The following LGR5 variants were observed in gnomAD, a reference collection of about 807,000 sequenced individuals.
The protein encoded by LGR5 is leucine rich repeat containing G protein-coupled receptor 5.
In LGR5, 54 loss-of-function variants were observed where a neutral mutation model predicts 76.7. The ratio of observed to expected loss-of-function variants is 0.70; its 90% confidence interval spans 0.57 to 0.88. LGR5 has a LOEUF of 0.88. Among genes scored for constraint, LGR5 ranks in the 40% least tolerant of loss-of-function variants. The pLI, the probability that LGR5 is intolerant of heterozygous loss-of-function variation, is 0.00. For missense variants in LGR5, 1,078 were observed against 1,073.3 expected, an observed-to-expected ratio of 1.00 and a Z score of -0.06; for synonymous variants, 406 against 421.9, an observed-to-expected ratio of 0.96 and a Z score of 0.46.
At chr12:71,555,405 C>T (rs900587312) in intron 5 of LGR5, among the ~76,000 whole-genome samples, 3 of 152,136 alleles carry the variant, frequency 2.0e-5, no homozygotes, top group African/African-American at 7.2e-5. Context: ...TTCAGTTGTG[C>T]ACAGCTGTTC....
intron 15 of LGR5, among the ~76,000 whole-genome samples, chr12:71,579,427 T>A (rs1878998125): frequency 6.6e-6 from 1 of 152,198 alleles, no homozygotes; most frequent in Admixed American, 6.5e-5. Flanking sequence ...TTTAAAATTA[T>A]GAAAATAATA....
In LGR5 at chr12:71,584,686, G is replaced by T; in HGVS notation, c.2676G>T (p.Val892=). Residue 892 remains valine, a synonymous_variant, in exon 18 of 18, where the codon GTG becomes GTT. Coordinates refer to ENST00000266674, the MANE Select transcript of LGR5 (RefSeq NM_003667.4). ...PSSVPSPAYP[V]TESCHLSSVA... ...CCGTGCCATCACCAGCTTATCCAGT[G>T]ACTGAGAGCTGCCATCTTTCCTCTG... 1 of 1,613,652 alleles carries T rather than the reference G, an allele frequency of 6.2e-7. No homozygotes were observed. The highest frequency in any genetic ancestry group is 8.5e-7 in the Non-Finnish European group (1 of 1,179,578).
chr12:71,566,629 T>C lies in LGR5; in HGVS notation c.930-3T>C. ...AGTAATACTTATATACTCCTCTTTC[T>C]AGGACTCTGAATGGTGCCTCACAAA... On this transcript the variant is annotated splice_region_variant and splice_polypyrimidine_tract_variant and intron_variant, in intron 9 of 17. Transcript: ENST00000266674. The C allele has an allele frequency of 6.2e-7, 1 of 1,610,940 alleles. No homozygotes were observed. The highest frequency in any genetic ancestry group is 8.5e-7 in the Non-Finnish European group (1 of 1,177,254).
intron 1 of LGR5, among the ~76,000 whole-genome samples, chr12:71,481,757 T>G (rs35838344): frequency 0.09 from 13,636 of 152,250 alleles, 654 homozygotes; most frequent in Non-Finnish European, 0.11. Flanking sequence ...TGGGAGTTTC[T>G]GCCTGAGAGA....
chr12:71,565,001 A>C (rs1191131225), intron 8 of LGR5, among the ~76,000 whole-genome samples: 1 of 118,610 alleles, frequency 8.4e-6, no homozygotes, highest in East Asian at 2.5e-4. Context: ...ATATACGTAC[A>C]TGTATGTGAA....
At chr12:71,551,112 T>C (rs1363074390) in intron 4 of LGR5, among the ~76,000 whole-genome samples, 6 of 152,362 alleles carry the variant, frequency 3.9e-5, no homozygotes, top group African/African-American at 1.4e-4. Flanking sequence ...GGAAATTTAA[T>C]CGTAAATGGG....
At chr12:71,574,301 C>CAAA (rs1726461) in intron 13 of LGR5, among the ~76,000 whole-genome samples, 30,179 of 50,020 alleles carry the variant, frequency 0.6, 11,101 homozygotes, top group Middle Eastern at 0.73. Context: ...GACTCTGTCT[C>CAAA]AAAAAAAAAA....
intron 1 of LGR5, among the ~76,000 whole-genome samples, chr12:71,463,347 T>C (rs1872746142): frequency 6.6e-6 from 1 of 152,208 alleles, no homozygotes; most frequent in African/African-American, 2.4e-5. Flanking sequence ...TCAGACTGTA[T>C]ATTCTCTTAG....
chr12:71,484,805 G>A (rs113625282), intron 1 of LGR5, among the ~76,000 whole-genome samples: 4,624 of 152,232 alleles, frequency 0.03, 106 homozygotes, highest in Non-Finnish European at 0.049. Flanking sequence ...TATAAATAGG[G>A]CAGAGGAATG....
At chr12:71,483,123 C>A (rs1294273388) in intron 1 of LGR5, among the ~76,000 whole-genome samples, 1 of 152,034 alleles carries the variant, frequency 6.6e-6, no homozygotes, top group Non-Finnish European at 1.5e-5. Flanking sequence ...ATATTAGCAC[C>A]TTTATCCTTA....
intron 1 of LGR5, among the ~76,000 whole-genome samples, chr12:71,498,371 A>G (rs1874432270): frequency 6.6e-6 from 1 of 152,216 alleles, no homozygotes; most frequent in Admixed American, 6.5e-5. Flanking sequence ...CAACAAAAAC[A>G]TATATCTCAC....
chr12:71,511,820 C>T (rs1207170738), intron 2 of LGR5, among the ~76,000 whole-genome samples: 1 of 152,076 alleles, frequency 6.6e-6, no homozygotes, highest in Admixed American at 6.5e-5. Flanking sequence ...ATTATCCAGA[C>T]TTGTGCCTGC....
intron 13 of LGR5, 107 bp downstream of exon 13, chr12:71,573,028 T>C: frequency 1.4e-6 from 1 of 736,778 alleles, no homozygotes; most frequent in Non-Finnish European, 2.2e-6. Flanking sequence ...GTGGGACTTT[T>C]GTGCATATAT....
intron 4 of LGR5, among the ~76,000 whole-genome samples, chr12:71,543,362 C>A (rs1383195921): frequency 6.6e-6 from 1 of 152,176 alleles, no homozygotes; most frequent in Non-Finnish European, 1.5e-5. Flanking sequence ...ATTGTCTCAA[C>A]TGAGGACTCC....
chr12:71,507,340 C>T (rs1874906605), intron 2 of LGR5, among the ~76,000 whole-genome samples: 1 of 152,018 alleles, frequency 6.6e-6, no homozygotes. Context: ...TAGCACCTAG[C>T]ACTGTGATTT....
chr12:71,509,051 T>C (rs1381431820), intron 2 of LGR5, among the ~76,000 whole-genome samples: 1 of 152,140 alleles, frequency 6.6e-6, no homozygotes, highest in African/African-American at 2.4e-5. Context: ...GGGGAGTCTT[T>C]TTCTTTTGCA....
intron 2 of LGR5, among the ~76,000 whole-genome samples, chr12:71,511,447 T>A (rs370655310): frequency 9.8e-5 from 15 of 152,314 alleles, no homozygotes; most frequent in Middle Eastern, 3.4e-3. Context: ...CAGGTGATTC[T>A]GATGCATGGT....
intron 14 of LGR5, 42 bp from the exon 15 acceptor site, chr12:71,578,762 C>T (rs374271776): frequency 6.6e-5 from 103 of 1,552,190 alleles, no homozygotes; most frequent in Admixed American, 2.7e-4. Context: ...ACGTTTTATG[C>T]TAACATAGAC....
At chr12:71,445,071 A>G (rs1038742183) in intron 1 of LGR5, among the ~76,000 whole-genome samples, 1 of 152,200 alleles carries the variant, frequency 6.6e-6, no homozygotes, top group African/African-American at 2.4e-5. Flanking sequence ...GGGTTGTCCA[A>G]TGAGCAATTT....
Sources: gnomAD v4.1 joint callset for allele counts (sites outside exome capture counted in the v4.1 genomes callset) on GRCh38, gnomAD v4.1.1 for gene constraint, MANE v1.5 for transcripts, NCBI Gene and HGNC (gene_info 2026-07-23, HGNC 2026-07-21) for gene names.